Variants in SLF2 observed in about 807,000 individuals in gnomAD.
SLF2 encodes SMC5/6 complex localization factor 2.
Under a neutral mutation model 124.3 loss-of-function variants are expected in SLF2, and 68 were observed. That is an observed-to-expected ratio of 0.55 (90% confidence interval 0.45 to 0.67). SLF2 has a LOEUF of 0.67. Ranked by LOEUF, SLF2 falls within the 30% of genes least tolerant of loss-of-function variation. The pLI is 0.00. For missense variants in SLF2, 1,246 were observed against 1,373.7 expected, an observed-to-expected ratio of 0.91 and a Z score of 1.47; for synonymous variants, 480 against 478.8, an observed-to-expected ratio of 1.00 and a Z score of -0.03.
Position 100,955,931 on chromosome 10 carries a change from C to T in SLF2, c.3331-520C>T, listed in dbSNP as rs114924567. On this transcript the variant is annotated intron_variant, in intron 17 of 19. Transcript: ENST00000238961. ...AAAAAAAAAAAAAAAGAACTGGGCA[C>T]GGTGGTGCATGCCTGTAATCCTAGC... Among the ~76,000 whole-genome samples the T allele has an allele frequency of 5.2e-3, 779 of 150,502 alleles. 8 individuals carry two copies. The highest frequency in any genetic ancestry group is 0.018 in the African/African-American group (745 of 41,038).
At position 100,950,072 on chromosome 10, in the gene SLF2, A is replaced by G; in HGVS notation, c.3121-4A>G. 1 of 1,556,360 alleles carries G rather than the reference A, an allele frequency of 6.4e-7. No homozygotes were observed. Among genetic ancestry groups the G allele is most frequent in the Non-Finnish European group, 8.7e-7 (1 of 1,150,008 alleles). ...TGTTCAATGTCTCCTCTTTCTTTTG[A>G]TAGGTATCAGTCCTACATCGCTATC... On this transcript the variant is annotated splice_polypyrimidine_tract_variant and splice_region_variant and intron_variant, in intron 15 of 19. Coordinates refer to ENST00000238961, the MANE Select transcript of SLF2 (RefSeq NM_018121.4).
chr10:100,931,867 T>C (rs571820527), intron 9 of SLF2, among the ~76,000 whole-genome samples: 1 of 152,036 alleles, frequency 6.6e-6, no homozygotes, highest in East Asian at 1.9e-4. Flanking sequence ...TGGTGGGCAC[T>C]TGTAATCCCA....
chr10:100,929,179 G>T, intron 6 of SLF2, 138 bp from the exon 7 acceptor site: 1 of 648,958 alleles, frequency 1.5e-6, no homozygotes, highest in Non-Finnish European at 2.5e-6. Context: ...GACATAATTT[G>T]ACCGATAGTA....
rs1385941728 is a variant in SLF2, at chr10:100,962,427, C to G, written c.*515C>G. On this transcript the variant is annotated 3_prime_UTR_variant, in exon 20 of 20. Coordinates refer to ENST00000238961, the MANE Select transcript of SLF2 (RefSeq NM_018121.4). ...GTTTAGTAATAAAAAGCATAAATCTCTTCTGTAACTTTTATAAACCACAGG... is the reference window on the plus strand; with the variant it reads ...GTTTAGTAATAAAAAGCATAAATCTGTTCTGTAACTTTTATAAACCACAGG... 6.6e-6 allele frequency: 1 copy of G among 152,630 alleles called. No homozygotes were observed. The highest frequency in any genetic ancestry group is 1.5e-5 in the Non-Finnish European group (1 of 68,082). The allele number at this position is 152,630 out of a possible 1,614,324, so 9.5% of individuals were successfully genotyped here.
intron 5 of SLF2, among the ~76,000 whole-genome samples, chr10:100,925,358 G>A (rs1334304611): frequency 6.6e-6 from 1 of 151,434 alleles, no homozygotes; most frequent in African/African-American, 2.5e-5. Context: ...AGTTACTATA[G>A]ACTAAGTTCT....
At chr10:100,915,273 A>G (rs1200765306) in intron 1 of SLF2, among the ~76,000 whole-genome samples, 1 of 152,188 alleles carries the variant, frequency 6.6e-6, no homozygotes, top group East Asian at 1.9e-4. Flanking sequence ...GGATTCTTTG[A>G]TAAAAAATTA....
At position 100,937,398 on chromosome 10, in the gene SLF2, A is replaced by C. The variant is rs80316941; in HGVS notation, c.2437-4A>C. The C allele has an allele frequency of 4.4e-6, 7 of 1,601,692 alleles. No homozygotes were observed. The South Asian group carries it at 7.7e-5, about 18-fold the overall frequency. On this transcript the variant is annotated splice_region_variant and splice_polypyrimidine_tract_variant and intron_variant, in intron 9 of 19. Transcript: ENST00000238961. ...ATATCCTGTCATTTCTCTGCTTTTG[A>C]CAGATGATGTCAGTTCATACAGACT...
At chr10:100,926,044 G>A (rs374300643) in intron 6 of SLF2, 25 bp downstream of exon 6, 27 of 1,614,152 alleles carry the variant, frequency 1.7e-5, no homozygotes, top group Non-Finnish European at 2.0e-5. Context: ...AGATTAATTT[G>A]CTAAATTTAA....
At chr10:100,937,609 T>G (rs921006428) in intron 10 of SLF2, 132 bp downstream of exon 10, 15 of 608,058 alleles carry the variant, frequency 2.5e-5, no homozygotes, top group African/African-American at 3.8e-5. Context: ...TCAAAAGTCG[T>G]TTTTTTTGGT....
At chr10:100,914,530 T>G (rs1849380039) in intron 1 of SLF2, among the ~76,000 whole-genome samples, 1 of 152,196 alleles carries the variant, frequency 6.6e-6, no homozygotes, top group Admixed American at 6.5e-5. Flanking sequence ...GTAAAATGCA[T>G]TTAGAATTAT....
intron 9 of SLF2, among the ~76,000 whole-genome samples, chr10:100,933,584 T>C (rs1849787061): frequency 1.3e-5 from 2 of 152,160 alleles, no homozygotes; most frequent in Non-Finnish European, 1.5e-5. Flanking sequence ...AAAAGGTTAG[T>C]ACTTTTTTTT....
At chr10:100,946,426 A>G (rs1850104603) in intron 13 of SLF2, among the ~76,000 whole-genome samples, 1 of 149,722 alleles carries the variant, frequency 6.7e-6, no homozygotes, top group South Asian at 2.1e-4. Context: ...TTCCGGATTC[A>G]GGCGATTCTC....
At chr10:100,959,265 C>T (rs189936939) in intron 18 of SLF2, among the ~76,000 whole-genome samples, 163 bp from the exon 19 acceptor site, 1 of 152,274 alleles carries the variant, frequency 6.6e-6, no homozygotes, top group East Asian at 1.9e-4. Flanking sequence ...TTTGAAATCT[C>T]CTTCAAAAGA....
chr10:100,960,697 T>G (rs1052273192), intron 19 of SLF2, among the ~76,000 whole-genome samples: 1 of 152,178 alleles, frequency 6.6e-6, no homozygotes, highest in Non-Finnish European at 1.5e-5. Context: ...TTATTAGAGA[T>G]ATAATTTGTA....
intron 13 of SLF2, among the ~76,000 whole-genome samples, chr10:100,946,031 G>C (rs1266936755): frequency 6.6e-6 from 1 of 152,188 alleles, no homozygotes; most frequent in Non-Finnish European, 1.5e-5. Flanking sequence ...ACCAGAATTT[G>C]AGTTGAACTT....
In SLF2 at chr10:100,950,180, C is replaced by A; in HGVS notation, c.3225C>A (p.Asp1075Glu). ...KAEQPDGIIDDSLHLELEKQA... is the reference protein window; with the variant it reads ...KAEQPDGIIDESLHLELEKQA... Reference sequence around the variant, plus strand: ...AACAACCAGATGGCATTATTGATGACAGTCTTCATTTAGAACTTGAAAAGC... The same window carrying A: ...AACAACCAGATGGCATTATTGATGAAAGTCTTCATTTAGAACTTGAAAAGC... The change falls in exon 16 of 20, where the codon GAC (aspartate) becomes GAA (glutamate). Residue 1075 changes from aspartate (D) to glutamate (E), a missense_variant. Coordinates refer to ENST00000238961, the MANE Select transcript of SLF2 (RefSeq NM_018121.4). The A allele has an allele frequency of 6.2e-7, 1 of 1,613,614 alleles. No homozygotes were observed. The highest frequency in any genetic ancestry group is 1.1e-5 in the South Asian group (1 of 91,004).
At chr10:100,944,577 T>TA (rs1589960702) in intron 12 of SLF2, among the ~76,000 whole-genome samples, 1 of 152,210 alleles carries the variant, frequency 6.6e-6, no homozygotes, top group South Asian at 2.1e-4. Flanking sequence ...ATCTTTGTAT[T>TA]AAAAATTGTT....
chr10:100,963,478 C>G lies in SLF2; in HGVS notation c.*1566C>G, dbSNP rs1452205105. On this transcript the variant is annotated 3_prime_UTR_variant, in exon 20 of 20. Transcript: ENST00000238961. ...GAATATTATTATCTTGATACTACCT[C>G]TCAAGGGTATTGTTACAAAATGCCA... The G allele has an allele frequency of 6.6e-6, 1 of 152,580 alleles. No homozygotes were observed. Among genetic ancestry groups the G allele is most frequent in the Non-Finnish European group, 1.5e-5 (1 of 68,038 alleles). The allele number at this position is 152,580 out of a possible 1,614,324, so 9.5% of individuals were successfully genotyped here.
chr10:100,933,614 A>G (rs1172450018), intron 9 of SLF2, among the ~76,000 whole-genome samples: 1 of 152,122 alleles, frequency 6.6e-6, no homozygotes, highest in Non-Finnish European at 1.5e-5. Flanking sequence ...TTTCAAAAGG[A>G]ATTCAGGTTT....
Sources: gnomAD v4.1 joint callset for allele counts (sites outside exome capture counted in the v4.1 genomes callset) on GRCh38, gnomAD v4.1.1 for gene constraint, MANE v1.5 for transcripts, NCBI Gene and HGNC (gene_info 2026-07-23, HGNC 2026-07-21) for gene names.